TFPT: variants seen among roughly 807,000 people sequenced by gnomAD.
The protein encoded by TFPT is TCF3 fusion partner.
Under a neutral mutation model 28.8 loss-of-function variants are expected in TFPT, and 27 were observed. The ratio of observed to expected loss-of-function variants is 0.94; its 90% CI spans 0.69 to 1.29. The LOEUF (loss-of-function observed/expected upper bound fraction) is 1.29, where lower values mean the gene tolerates loss of function less well. Among genes scored for constraint, TFPT ranks in the 50% most tolerant of loss-of-function variants. TFPT has a pLI of 0.00. For synonymous variants in TFPT, 152 were observed against 142.8 expected, an observed-to-expected ratio of 1.06 and a Z score of -0.46; for missense variants, 330 against 338.0, an observed-to-expected ratio of 0.98 and a Z score of 0.19.
chr19:54,114,690 C>G lies in TFPT; in HGVS notation c.34G>C (p.Ala12Pro), dbSNP rs1241584778. The G allele has an allele frequency of 6.2e-7, 1 of 1,613,024 alleles. No individual in the cohort carries two copies. Among genetic ancestry groups the G allele is most frequent in the Non-Finnish European group, 8.5e-7 (1 of 1,179,906 alleles). Residue 12 changes from alanine (A) to proline (P), a missense_variant, in exon 2 of 6, where the codon GCC (alanine) becomes CCC (proline). Coordinates refer to ENST00000391759, the MANE Select transcript of TFPT (RefSeq NM_013342.4). ...GCTGAGAACTCCTCAAAGCCCACGG[C>G]TGCCATGGTCCTGAGAGGCAGGGAA... The part of the protein sequence containing the change: ...ELEQREGTMA[A>P]VGFEEFSAPP...
At position 54,108,364 on chromosome 19, in the gene TFPT, C is replaced by A; in HGVS notation, c.385G>T (p.Asp129Tyr). 2 of 1,612,130 alleles carry A rather than the reference C, an allele frequency of 1.2e-6. No homozygotes were observed. The highest frequency in any genetic ancestry group is 1.7e-6 in the Non-Finnish European group (2 of 1,179,114). ...GTGAACTGGCTGGCCCGGTAGTCAT[C>A]CCCGTAGGAGTCCAGCACTCTCATG... is the stretch of plus-strand genomic sequence containing the variant. ...FLMRVLDSYG[D>Y]DYRASQFTIV... is the part of the protein sequence containing the mutation. The change falls in exon 4 of 6, where the codon GAT becomes TAT. Residue 129 changes from aspartate (D) to tyrosine (Y), a missense_variant. Asp to Tyr is a radical substitution (Grantham distance 160, BLOSUM62 -3). Transcript: ENST00000391759.
chr19:54,108,354 C>A lies in TFPT; in HGVS notation c.395G>T (p.Arg132Leu). 6.2e-7 allele frequency: 1 copy of A among 1,610,594 alleles called. No individual in the cohort carries two copies. The highest frequency in any genetic ancestry group is 1.3e-5 in the African/African-American group (1 of 74,936). The change falls in exon 4 of 6, where the codon CGG (arginine) becomes CTG (leucine). Residue 132 changes from arginine to leucine, a missense_variant. Physicochemically the swap from Arg to Leu is moderately radical, Grantham distance 102. Transcript: ENST00000391759. ...CAGCACAATGGTGAACTGGCTGGCCCGGTAGTCATCCCCGTAGGAGTCCAG... is the reference window on the plus strand; with the variant it reads ...CAGCACAATGGTGAACTGGCTGGCCAGGTAGTCATCCCCGTAGGAGTCCAG... The part of the protein sequence containing the change: ...RVLDSYGDDY[R>L]ASQFTIVLED...
At chr19:54,110,180 G>T (rs1465192806) in intron 2 of TFPT, 59 bp from the exon 3 acceptor site, 2 of 1,587,954 alleles carry the variant, frequency 1.3e-6, no homozygotes, top group African/African-American at 2.7e-5. Context: ...TTTGTTTAAC[G>T]GATGTTTAAT....
intron 2 of TFPT, among the ~76,000 whole-genome samples, chr19:54,111,720 C>A (rs954571142): frequency 1.3e-5 from 2 of 149,380 alleles, no homozygotes; most frequent in African/African-American, 4.9e-5. Context: ...CACGGTGGCT[C>A]ACGCTTGTAA....
chr19:54,115,026 T>C (rs2073581772), intron 1 of TFPT: 1 of 721,148 alleles, frequency 1.4e-6, no homozygotes, highest in Non-Finnish European at 2.2e-6. Flanking sequence ...GACGCAAGAG[T>C]CCTGGCTTCC....
At chr19:54,110,809 C>T (rs1219559981) in intron 2 of TFPT, among the ~76,000 whole-genome samples, 4 of 152,152 alleles carry the variant, frequency 2.6e-5, no homozygotes, top group African/African-American at 2.4e-5. Context: ...GGAGGCAGGA[C>T]GCAGCCTCTC....
Position 54,108,014 on chromosome 19 carries a change from C to A in TFPT, c.642+12G>T, listed in dbSNP as rs370413360. ...GCCCCAGTCCCTCCCCTTGAGTTCC[C>A]GCCTTCCTCACCTGCACCGGGGCCA... On this transcript the variant is annotated intron_variant, in intron 5 of 5. Transcript: ENST00000391759. 2 of 1,515,908 alleles carry A rather than the reference C, an allele frequency of 1.3e-6. No individual in the cohort carries two copies. The highest frequency in any genetic ancestry group is 4.5e-5 in the East Asian group (2 of 43,958). 93.9% of individuals were successfully genotyped at this position (1,515,908 alleles called of 1,614,324 possible).
intron 2 of TFPT, among the ~76,000 whole-genome samples, chr19:54,112,156 G>A (rs587668613): frequency 2.6e-5 from 4 of 151,348 alleles, no homozygotes; most frequent in Non-Finnish European, 4.4e-5. Flanking sequence ...CAGCTCCTTC[G>A]GAGGCTGAGA....
At chr19:54,108,676 CA>C (rs2073356230) in intron 3 of TFPT, 2 of 1,297,686 alleles carry the variant, frequency 1.5e-6, no homozygotes, top group Non-Finnish European at 2.1e-6. Context: ...GTAGTGACAC[CA>C]GACGATTTCT....
At chr19:54,107,876 G>T in intron 5 of TFPT, 150 bp downstream of exon 5, 2 of 694,310 alleles carry the variant, frequency 2.9e-6, no homozygotes, top group South Asian at 3.1e-5. Flanking sequence ...CCCCAGCCCT[G>T]GGCCCCTCGG....
intron 2 of TFPT, among the ~76,000 whole-genome samples, chr19:54,110,713 T>C (rs60371156): frequency 6.0e-5 from 9 of 150,864 alleles, no homozygotes; most frequent in East Asian, 1.9e-4. Flanking sequence ...AAAAAAAAAA[T>C]TGCAACACAC....
chr19:54,110,616 G>A lies in TFPT; in HGVS notation c.283-495C>T, dbSNP rs73611027. 2.6e-3 allele frequency among the ~76,000 whole-genome samples: 395 copies of A among 152,044 alleles called. 2 individuals carry two copies. The highest frequency in any genetic ancestry group is 8.7e-3 in the African/African-American group (362 of 41,500). ...GGTGGCAGGTGCCTGCAGGATAGTC[G>A]CACGAACCTGGGAGGTGGAGGGGTG... On this transcript the variant is annotated intron_variant, in intron 2 of 5. Coordinates refer to ENST00000391759, the MANE Select transcript of TFPT (RefSeq NM_013342.4).
rs150106373 is a variant in TFPT at position 54,108,633 on chromosome 19, C to T, written c.354-238G>A. 53 of 1,488,834 alleles carry T rather than the reference C, an allele frequency of 3.6e-5. 2 individuals are homozygous for T. The East Asian group carries it at 1.1e-3, about 31-fold the overall frequency. The allele number at this position is 1,488,834 out of a possible 1,614,324, so 92.2% of individuals were successfully genotyped here. ...TTCCTGCTCTGCAAACGACATGACA[C>T]CCTCGGCTGGATGTTGCAGCGGTGA... On this transcript the variant is annotated intron_variant, in intron 3 of 5. Transcript: ENST00000391759.
At chr19:54,112,679 T>C (rs1034213027) in intron 2 of TFPT, among the ~76,000 whole-genome samples, 1 of 151,142 alleles carries the variant, frequency 6.6e-6, no homozygotes. Flanking sequence ...GTCCCAGCTA[T>C]TTTGGGGGCT....
intron 3 of TFPT, among the ~76,000 whole-genome samples, 175 bp downstream of exon 3, chr19:54,109,876 C>CA (rs1600296991): frequency 6.6e-6 from 1 of 151,458 alleles, no homozygotes; most frequent in Non-Finnish European, 1.5e-5. Context: ...CAGCCCTCTC[C>CA]TCCAACACCG....
In TFPT at chr19:54,115,649, G is replaced by A; in HGVS notation, c.-380C>T. On this transcript the variant is annotated 5_prime_UTR_variant, in exon 1 of 6. Coordinates refer to ENST00000391759, the MANE Select transcript of TFPT (RefSeq NM_013342.4). Reference sequence around the variant, plus strand: ...TACCGCCTCTCTCCGCCTAGTGCCAGGTGCTAATAAAGTTGTTGTTTCAAA... The same window carrying A: ...TACCGCCTCTCTCCGCCTAGTGCCAAGTGCTAATAAAGTTGTTGTTTCAAA... 1 of 391,590 alleles carries A rather than the reference G, an allele frequency of 2.6e-6. No individual in the cohort carries two copies. The highest frequency in any genetic ancestry group is 4.7e-6 in the Non-Finnish European group (1 of 214,268). The allele number at this position is 391,590 out of a possible 1,614,324, so 24.3% of individuals were successfully genotyped here.
intron 2 of TFPT, among the ~76,000 whole-genome samples, chr19:54,112,734 A>G (rs2073489175): frequency 6.6e-6 from 1 of 152,024 alleles, no homozygotes; most frequent in Non-Finnish European, 1.5e-5. Flanking sequence ...GGCTGCAATG[A>G]GCTGAGATTG....
At position 54,114,484 on chromosome 19, in the gene TFPT, T is replaced by C. The variant is rs1331922786; in HGVS notation, c.240A>G (p.Arg80=). Residue 80 remains arginine, a synonymous_variant, in exon 2 of 6, where the codon AGA becomes AGG. Coordinates refer to ENST00000391759, the MANE Select transcript of TFPT (RefSeq NM_013342.4). ...RRRRQRELNR[R]KYQALGRRCR... is the part of the protein sequence containing the mutation. Reference sequence around the variant, plus strand: ...AGCGCCGACCTAGTGCCTGGTACTTTCTGCGATTTAATTCCCGCTGGCGCC... The same window carrying C: ...AGCGCCGACCTAGTGCCTGGTACTTCCTGCGATTTAATTCCCGCTGGCGCC... 3 of 1,613,828 alleles carry C rather than the reference T, an allele frequency of 1.9e-6. No homozygotes were observed. The highest frequency in any genetic ancestry group is 2.2e-5 in the East Asian group (1 of 44,880).
rs747504772 is a variant in TFPT, at chr19:54,110,095, G to A, written c.309C>T (p.Leu103=). The change falls in exon 3 of 6, where the codon CTC becomes CTT. Residue 103 remains leucine (L), a synonymous_variant. Transcript: ENST00000391759. ...EQVNERVLNR[L]HQVQRITRRL... is the part of the protein sequence containing the mutation. Reference sequence around the variant, plus strand: ...TCCGAGTTATCCTCTGCACCTGATGGAGCCTGTTCAGGACCCGCTCGTTCA... The same window carrying A: ...TCCGAGTTATCCTCTGCACCTGATGAAGCCTGTTCAGGACCCGCTCGTTCA... The A allele has an allele frequency of 3.7e-6, 6 of 1,614,140 alleles. No homozygotes were observed. The highest frequency in any genetic ancestry group is 3.3e-5 in the South Asian group (3 of 91,082).
Sources: allele counts gnomAD v4.1 joint callset (sites outside exome capture counted in the v4.1 genomes callset), GRCh38; gene constraint gnomAD v4.1.1; transcripts MANE v1.5; gene names NCBI Gene and HGNC (gene_info 2026-07-23, HGNC 2026-07-21).